AP4S1: variants seen among roughly 807,000 people sequenced by gnomAD.
The protein encoded by AP4S1 is adaptor related protein complex 4 subunit sigma 1, also known as AP-4 complex subunit sigma-1.
Under a neutral mutation model 19.8 loss-of-function variants are expected in AP4S1, and 23 were observed. The ratio of observed to expected loss-of-function variants is 1.16; its 90% CI spans 0.84 to 1.65. The LOEUF (loss-of-function observed/expected upper bound fraction) is 1.65, where lower values mean the gene tolerates loss of function less well. Among genes scored for constraint, AP4S1 ranks in the 40% most tolerant of loss-of-function variants. The pLI, the probability that AP4S1 is intolerant of heterozygous loss-of-function variation, is 0.00. For synonymous variants in AP4S1, 46 were observed against 54.1 expected, an observed-to-expected ratio of 0.85 and a Z score of 0.66; for missense variants, 166 against 172.8, an observed-to-expected ratio of 0.96 and a Z score of 0.22.
intron 1 of AP4S1, among the ~76,000 whole-genome samples, chr14:31,037,295 G>C (rs1000762513): frequency 6.6e-6 from 1 of 151,888 alleles, no homozygotes; most frequent in Non-Finnish European, 1.5e-5. Flanking sequence ...AACGTTCCAG[G>C]GGATGTTTTT....
intron 4 of AP4S1, among the ~76,000 whole-genome samples, chr14:31,077,459 G>A (rs970200757): frequency 3.3e-5 from 5 of 152,064 alleles, no homozygotes; most frequent in African/African-American, 7.2e-5. Flanking sequence ...CTTCTTCATG[G>A]GACAGTCAGC....
At chr14:31,035,431 TCTGC>T (rs1884683802) in intron 1 of AP4S1, among the ~76,000 whole-genome samples, 7 of 151,840 alleles carry the variant, frequency 4.6e-5, no homozygotes, top group Admixed American at 4.6e-4. Context: ...GACCTTGTGA[TCTGC>T]CCACCTCAGC....
chr14:31,045,706 A>G (rs146496319), intron 1 of AP4S1, among the ~76,000 whole-genome samples: 61 of 152,262 alleles, frequency 4.0e-4, no homozygotes, highest in African/African-American at 1.3e-3. Flanking sequence ...TATGAAATAT[A>G]TTTGGCCTTT....
chr14:31,082,251 G>A (rs139221206), intron 5 of AP4S1, among the ~76,000 whole-genome samples: 2 of 152,206 alleles, frequency 1.3e-5, no homozygotes, highest in East Asian at 3.9e-4. Context: ...CCCTTTGTAG[G>A]TTTTAGCATG....
intron 5 of AP4S1, among the ~76,000 whole-genome samples, chr14:31,092,507 ACTGT>A (rs1888101937): frequency 6.6e-6 from 1 of 152,196 alleles, no homozygotes; most frequent in Non-Finnish European, 1.5e-5. Flanking sequence ...AACTCAACAC[ACTGT>A]CTGGAACGGG....
At chr14:31,075,547 C>T (rs140793717) in intron 4 of AP4S1, among the ~76,000 whole-genome samples, 274 of 152,180 alleles carry the variant, frequency 1.8e-3, no homozygotes, top group Middle Eastern at 3.4e-3. Context: ...TATACCTAAT[C>T]TACTTTCTGT....
At chr14:31,062,469 G>T (rs1886493242) in intron 1 of AP4S1, among the ~76,000 whole-genome samples, 1 of 152,186 alleles carries the variant, frequency 6.6e-6, no homozygotes, top group Non-Finnish European at 1.5e-5. Context: ...CCCAGGATAG[G>T]TGTCAGGAAA....
chr14:31,088,582 C>T (rs1475819299), intron 5 of AP4S1, among the ~76,000 whole-genome samples: 7 of 151,866 alleles, frequency 4.6e-5, no homozygotes, highest in African/African-American at 7.3e-5. Context: ...CTGAGGCAGG[C>T]GGATCACCTG....
intron 1 of AP4S1, among the ~76,000 whole-genome samples, chr14:31,050,661 C>T (rs1319300778): frequency 6.6e-6 from 1 of 152,102 alleles, no homozygotes. Context: ...TATACACTTG[C>T]CCATCTCCCC....
chr14:31,071,819 T>C (rs968729965), intron 3 of AP4S1, among the ~76,000 whole-genome samples: 2 of 152,098 alleles, frequency 1.3e-5, no homozygotes, highest in Non-Finnish European at 2.9e-5. Context: ...AAGTGATCCT[T>C]CCACCTCAGC....
intron 5 of AP4S1, among the ~76,000 whole-genome samples, chr14:31,091,601 T>G (rs1888077921): frequency 6.6e-6 from 1 of 152,022 alleles, no homozygotes; most frequent in South Asian, 2.1e-4. Flanking sequence ...GCTGGAGGAC[T>G]ATTTGCACAG....
At chr14:31,049,428 A>AAAAAAAAAAAAT (rs1384450221) in intron 1 of AP4S1, among the ~76,000 whole-genome samples, 1 of 57,768 alleles carries the variant, frequency 1.7e-5, no homozygotes, top group Non-Finnish European at 2.9e-5. Flanking sequence ...AAAAAAAAAA[A>AAAAAAAAAAAAT]ATATATATAT....
intron 1 of AP4S1, chr14:31,026,368 C>T: frequency 2.0e-6 from 1 of 504,406 alleles, no homozygotes; most frequent in Non-Finnish European, 3.2e-6. Context: ...CATTACAATC[C>T]CTCCTCCATC....
chr14:31,078,426 T>C (rs1887478456), intron 4 of AP4S1, among the ~76,000 whole-genome samples: 1 of 152,224 alleles, frequency 6.6e-6, no homozygotes, highest in African/African-American at 2.4e-5. Flanking sequence ...TGGTGTTTAC[T>C]GTATTGGACA....
rs768539772 is a variant in AP4S1, at chr14:31,096,089, C to CA, written c.*3076dup. The CA allele has an allele frequency of 0.24, 16,275 of 69,018 alleles. 1,773 individuals carry two copies. Among genetic ancestry groups the CA allele is most frequent in the African/African-American group, 0.29 (5,641 of 19,714 alleles). The allele number at this position is 69,018 out of a possible 1,614,324, so 4.3% of individuals were successfully genotyped here. A position where few individuals can be genotyped will look rare whatever the true frequency, so the allele number is the denominator to read the frequency against. ...CTGGGCACAGAGTGAGATTCCGTCT[C>CA]AAAAAAAAAAAAAAAAAAAAAAGTA... On this transcript the variant is annotated 3_prime_UTR_variant, in exon 6 of 6. Transcript: ENST00000542754.
intron 1 of AP4S1, among the ~76,000 whole-genome samples, chr14:31,040,456 A>G (rs983658356): frequency 2.2e-4 from 33 of 152,306 alleles, no homozygotes; most frequent in African/African-American, 6.7e-4. Flanking sequence ...TTTTAATTCT[A>G]AATTCCTTTG....
At position 31,094,283 on chromosome 14, in the gene AP4S1, C is replaced by T. The variant is rs1477523130; in HGVS notation, c.*1248C>T. On this transcript the variant is annotated 3_prime_UTR_variant, in exon 6 of 6. Transcript: ENST00000542754. ...GATCATGTTGTACTACAACCTTGAACCTTCCTGGCCTGGCTCTAAAAGCTT... is the reference window on the plus strand; with the variant it reads ...GATCATGTTGTACTACAACCTTGAATCTTCCTGGCCTGGCTCTAAAAGCTT... 2 of 152,486 alleles carry T rather than the reference C, an allele frequency of 1.3e-5. No homozygotes were observed. The highest frequency in any genetic ancestry group is 2.1e-4 in the South Asian group (1 of 4,824). The allele number at this position is 152,486 out of a possible 1,614,324, so 9.4% of individuals were successfully genotyped here.
At position 31,094,330 on chromosome 14, in the gene AP4S1, TG is replaced by T. The variant is rs2139132449; in HGVS notation, c.*1296del. On this transcript the variant is annotated 3_prime_UTR_variant, in exon 6 of 6. Coordinates refer to ENST00000542754, the MANE Select transcript of AP4S1 (RefSeq NM_001128126.3). ...GCTTTGTAATGTGGGGCTGGTGCAG[TG>T]CCTCACACCTGTAACCCCTGCACTT... 6.5e-6 allele frequency: 1 copy of T among 152,744 alleles called. No individual in the cohort carries two copies. The highest frequency in any genetic ancestry group is 2.4e-5 in the African/African-American group (1 of 41,572). 9.5% of individuals were successfully genotyped at this position (152,744 alleles called of 1,614,324 possible). A position where few individuals can be genotyped will look rare whatever the true frequency, so the allele number is the denominator to read the frequency against.
At chr14:31,048,400 C>A (rs1414998254) in intron 1 of AP4S1, among the ~76,000 whole-genome samples, 2 of 152,008 alleles carry the variant, frequency 1.3e-5, no homozygotes, top group East Asian at 1.9e-4. Context: ...CATGAGCCAC[C>A]ATGCCTGGCC....
Sources: allele counts gnomAD v4.1 joint callset (sites outside exome capture counted in the v4.1 genomes callset), GRCh38; gene constraint gnomAD v4.1.1; transcripts MANE v1.5; gene names NCBI Gene and HGNC (gene_info 2026-07-23, HGNC 2026-07-21).